DNAH2: variants seen among roughly 807,000 people sequenced by gnomAD.
The protein encoded by DNAH2 is dynein axonemal heavy chain 2.
In DNAH2, 323 loss-of-function variants were observed where a neutral mutation model predicts 523.5. That is an observed-to-expected ratio of 0.62 (90% CI 0.56 to 0.68). The LOEUF is 0.68. DNAH2 is among the 30% of genes least tolerant of loss of function. DNAH2 has a pLI of 0.00. For synonymous variants in DNAH2, 2,093 were observed against 2,177.4 expected (o/e 0.96, Z 1.08); for missense variants, 4,907 against 5,701.5 (o/e 0.86, Z 4.49).
Position 7,786,186 on chromosome 17 carries a change from C to T in DNAH2, c.6192C>T (p.Leu2064=). 1.2e-6 allele frequency: 2 copies of T among 1,614,076 alleles called. No homozygotes were observed. Among genetic ancestry groups the T allele is most frequent in the Non-Finnish European group, 1.7e-6 (2 of 1,180,012 alleles). The part of the protein sequence containing the change: ...DMGLQSTPFT[L]TKVFQLYETK... ...GCCTGCAAAGCACGCCGTTCACCCTCACCAAGGTTTTCCAGTTGTATGAAA... is the reference window on the plus strand; with the variant it reads ...GCCTGCAAAGCACGCCGTTCACCCTTACCAAGGTTTTCCAGTTGTATGAAA... The change falls in exon 40 of 86, where the codon CTC becomes CTT. Residue 2064 remains leucine, a synonymous_variant. Coordinates refer to ENST00000572933, the MANE Select transcript of DNAH2 (RefSeq NM_020877.5). This position sits in a 1 kb window ranked among gnomAD's most constrained non-coding sequence, Gnocchi z 7.5.
intron 4 of DNAH2, among the ~76,000 whole-genome samples, 163 bp downstream of exon 4, chr17:7,727,455 G>A (rs912540087): frequency 2.0e-5 from 3 of 152,100 alleles, no homozygotes; most frequent in Admixed American, 6.6e-5. Flanking sequence ...GAAGGATGAC[G>A]CAAGAACGCT....
At chr17:7,782,705 G>A (rs191639283) in intron 39 of DNAH2, among the ~76,000 whole-genome samples, 189 of 152,116 alleles carry the variant, frequency 1.2e-3, no homozygotes, top group Admixed American at 2.6e-3. Flanking sequence ...GGTGGTTCAC[G>A]CCTGTCATCT....
Position 7,833,148 on chromosome 17 carries a change from G to C in DNAH2, c.13056G>C (p.Glu4352Asp), listed in dbSNP as rs1203719520. 1.9e-6 allele frequency: 3 copies of C among 1,611,086 alleles called. No homozygotes were observed. In the African/African-American group the frequency reaches 4.0e-5, roughly 22 times the overall value. ...AGAACTCCTGCTTGGTGGAGGCAGA[G>C]CCCATGCAGCTTGTCTGCCTCATGC... is the stretch of plus-strand genomic sequence containing the variant. The part of the protein sequence containing the change: ...DRKNSCLVEA[E>D]PMQLVCLMPT... Residue 4352 changes from glutamate (E) to aspartate (D), a missense_variant, in exon 85 of 86, where the codon GAG (glutamate) becomes GAC (aspartate). Coordinates refer to ENST00000572933, the MANE Select transcript of DNAH2 (RefSeq NM_020877.5).
chr17:7,768,419 A>G, intron 24 of DNAH2, 152 bp downstream of exon 24: 2 of 778,116 alleles, frequency 2.6e-6, no homozygotes, highest in Non-Finnish European at 4.0e-6. Flanking sequence ...TCTTTTTAAC[A>G]TTTAATTTTG....
At chr17:7,763,733 G>T (rs1236994351) in intron 18 of DNAH2, 98 bp from the exon 19 acceptor site, 5 of 1,451,366 alleles carry the variant, frequency 3.4e-6, no homozygotes, top group South Asian at 1.2e-5. Flanking sequence ...TGCTGCCCAG[G>T]TTTGGGTGGA....
Position 7,804,814 on chromosome 17 carries a change from C to T in DNAH2, c.9184-144C>T, listed in dbSNP as rs1014513223. ...TGAACTGAGATTGCACCACTGCACTCCAGCCTGGGCGAAAGAGCTAGACTC... is the reference window on the plus strand; with the variant it reads ...TGAACTGAGATTGCACCACTGCACTTCAGCCTGGGCGAAAGAGCTAGACTC... On this transcript the variant is annotated intron_variant, in intron 59 of 85. Transcript: ENST00000572933. 47 of 702,380 alleles carry T rather than the reference C, an allele frequency of 6.7e-5. No homozygotes were observed. The African/African-American group carries it at 8.2e-4, about 12-fold the overall frequency. 43.5% of individuals were successfully genotyped at this position (702,380 alleles called of 1,614,324 possible). A position where few individuals can be genotyped will look rare whatever the true frequency, so the allele number is the denominator to read the frequency against.
At chr17:7,751,830 T>G (rs1293284454) in intron 12 of DNAH2, among the ~76,000 whole-genome samples, 1 of 152,106 alleles carries the variant, frequency 6.6e-6, no homozygotes, top group African/African-American at 2.4e-5. Flanking sequence ...CTCATTCCTA[T>G]TTTTATAGGA....
chr17:7,741,248 T>TTCTCTCTC (rs1260440773), intron 11 of DNAH2, among the ~76,000 whole-genome samples: 4 of 35,756 alleles, frequency 1.1e-4, no homozygotes, highest in Non-Finnish European at 1.5e-4. Context: ...CTTTCTTTCT[T>TTCTCTCTC]TCTTTCTTTC....
rs1277856939 is a variant in DNAH2 at position 7,774,941 on chromosome 17, T to C, written c.4684T>C (p.Cys1562Arg). 1.9e-6 allele frequency: 3 copies of C among 1,613,968 alleles called. No individual in the cohort carries two copies. In the African/African-American group the frequency reaches 4.0e-5, roughly 22 times the overall value. Residue 1562 changes from cysteine (C) to arginine (R), a missense_variant, in exon 29 of 86, where the codon TGC becomes CGC. By Grantham distance (180) the Cys-to-Arg change is radical. Coordinates refer to ENST00000572933, the MANE Select transcript of DNAH2 (RefSeq NM_020877.5). ...PEAVQPHLKK[C>R]FDNIKLLRIQ... is the part of the protein sequence containing the mutation. ...GGCTGTGCAGCCACACCTCAAAAAATGCTTTGACAACATCAAGTTGCTGAG... is the reference window on the plus strand; with the variant it reads ...GGCTGTGCAGCCACACCTCAAAAAACGCTTTGACAACATCAAGTTGCTGAG...
intron 22 of DNAH2, 22 bp from the exon 23 acceptor site, chr17:7,767,878 A>C: frequency 1.2e-6 from 2 of 1,613,690 alleles, no homozygotes; most frequent in Non-Finnish European, 1.7e-6. Flanking sequence ...CACTTCATGC[A>C]ACGCGCCTTT....
At chr17:7,797,594 C>A in intron 52 of DNAH2, 64 bp downstream of exon 52, 1 of 1,613,868 alleles carries the variant, frequency 6.2e-7, no homozygotes, top group Non-Finnish European at 8.5e-7. Flanking sequence ...TAGAAGGAGT[C>A]AGGGCATGGG....
In DNAH2 at chr17:7,727,339, G is replaced by A. The variant is rs372842203; in HGVS notation, c.399+47G>A. On this transcript the variant is annotated intron_variant, in intron 4 of 85. Transcript: ENST00000572933. Reference sequence around the variant, plus strand: ...ATCAAAGGTGGTCCTACAGAGAGCCGAGGGCTCTCAGTTCCTTCATCATCC... The same window carrying A: ...ATCAAAGGTGGTCCTACAGAGAGCCAAGGGCTCTCAGTTCCTTCATCATCC... 17 of 1,561,988 alleles carry A rather than the reference G, an allele frequency of 1.1e-5. 1 individual carries two copies. Among genetic ancestry groups the A allele is most frequent in the African/African-American group, 4.2e-5 (3 of 71,362 alleles).
Position 7,824,563 on chromosome 17 carries a change from C to T in DNAH2, c.11689C>T (p.His3897Tyr), listed in dbSNP as rs757507586. 1 of 1,575,818 alleles carries T rather than the reference C, an allele frequency of 6.3e-7. No individual in the cohort carries two copies. The highest frequency in any genetic ancestry group is 8.7e-7 in the Non-Finnish European group (1 of 1,154,548). ...QGHWVFLANC[H>Y]LSLSWMPNLD... is the part of the protein sequence containing the mutation. ...ACACTGGGTGTTCCTGGCAAACTGC[C>T]ACCTGTCACTGTCTTGGATGCCTAA... Residue 3897 changes from histidine to tyrosine, a missense_variant, in exon 77 of 86, where the codon CAC becomes TAC. Coordinates refer to ENST00000572933, the MANE Select transcript of DNAH2 (RefSeq NM_020877.5).
At chr17:7,787,829 A>T (rs758469217) in intron 42 of DNAH2, 31 bp from the exon 43 acceptor site, 58 of 1,574,930 alleles carry the variant, frequency 3.7e-5, no homozygotes, top group Non-Finnish European at 4.9e-5. Context: ...ATGCAGAGAA[A>T]GATGAAGTTC....
chr17:7,813,258 T>C (rs2077569759), intron 63 of DNAH2, among the ~76,000 whole-genome samples: 2 of 152,034 alleles, frequency 1.3e-5, no homozygotes, highest in Admixed American at 1.3e-4. Flanking sequence ...TTGTAGGTTT[T>C]TTTTTTTGGT....
rs1211122121 is a variant in DNAH2 at position 7,786,684 on chromosome 17, G to T, written c.6463G>T (p.Ala2155Ser). The stretch of plus-strand genomic sequence containing the variant: ...GTCCAGTGTCATGCGGACGGCATGT[G>T]CAGGTATCCAGAGGATCGTGGGGTG... ...ILSSVMRTAC[A>S]DEKPDEKWIL... Residue 2155 changes from alanine to serine, a missense_variant, in exon 41 of 86, where the codon GCA becomes TCA. By Grantham distance (99) the Ala-to-Ser change is moderately conservative. Around this residue, in one of 3 missense-constraint regions of DNAH2, gnomAD observed 2,806 missense variants for 3,190.8 expected, o/e 0.88. Coordinates refer to ENST00000572933, the MANE Select transcript of DNAH2 (RefSeq NM_020877.5). The surrounding 1 kb of genome is among the most constrained non-coding windows in gnomAD (Gnocchi z 7.5). 6.2e-7 allele frequency: 1 copy of T among 1,613,916 alleles called. No homozygotes were observed.
chr17:7,774,673 C>T (rs1446181800), intron 28 of DNAH2, 86 bp from the exon 29 acceptor site: 3 of 1,208,632 alleles, frequency 2.5e-6, no homozygotes, highest in East Asian at 2.4e-5. Flanking sequence ...TGTTCAAGAG[C>T]TGGCAAAGAA....
chr17:7,731,889 C>T (rs562290352), intron 4 of DNAH2, among the ~76,000 whole-genome samples: 49 of 151,664 alleles, frequency 3.2e-4, no homozygotes, highest in African/African-American at 9.2e-4. Flanking sequence ...ATTAGCCGGG[C>T]GTGGTGGCAC....
chr17:7,764,099 C>G lies in DNAH2; in HGVS notation c.3180-18C>G. On this transcript the variant is annotated intron_variant, in intron 19 of 85. Coordinates refer to ENST00000572933, the MANE Select transcript of DNAH2 (RefSeq NM_020877.5). The stretch of plus-strand genomic sequence containing the variant: ...ACTGGGCCTTCCACTCACTAGCACT[C>G]CCTTTGCCCGCCTTCAGAATCAGCC... 1.9e-6 allele frequency: 3 copies of G among 1,614,234 alleles called. No homozygotes were observed. Among genetic ancestry groups the G allele is most frequent in the Non-Finnish European group, 2.5e-6 (3 of 1,180,042 alleles).
Sources: gnomAD v4.1 joint callset for allele counts (sites outside exome capture counted in the v4.1 genomes callset) on GRCh38, gnomAD v4.1.1 for gene constraint, gnomAD v4.1.1 regional missense constraint, Gnocchi (gnomAD v3.1) non-coding constraint, MANE v1.5 for transcripts, NCBI Gene and HGNC (gene_info 2026-07-23, HGNC 2026-07-21) for gene names.